Variants in GPHN observed in about 807,000 individuals in gnomAD.
GPHN encodes gephyrin.
In GPHN, 17 loss-of-function variants were observed where a neutral mutation model predicts 95.5. That is an observed-to-expected ratio of 0.18 (90% CI 0.12 to 0.27). The LOEUF (loss-of-function observed/expected upper bound fraction) is 0.27. Among genes scored for constraint, GPHN ranks in the 10% least tolerant of loss-of-function variants. The pLI is 1.00. For synonymous variants in GPHN, 320 were observed against 322.5 expected, an observed-to-expected ratio of 0.99 and a Z score of 0.08; for missense variants, 660 against 978.1, an observed-to-expected ratio of 0.67 and a Z score of 4.34.
chr14:67,190,068 ATTTTTTT>A, the GPHN span, among the ~76,000 whole-genome samples: 4 of 115,448 alleles, frequency 3.5e-5, no homozygotes, highest in African/African-American at 1.0e-4. Flanking sequence ...TGCCCAGCTA[ATTTTTTT>A]TTTTTTTTTT....
intron 18 of GPHN, among the ~76,000 whole-genome samples, chr14:67,144,260 T>A (rs1309031963): frequency 1.6e-4 from 13 of 83,080 alleles, no homozygotes; most frequent in African/African-American, 3.1e-4. Context: ...AATATATATA[T>A]ATATATATAT....
At chr14:67,222,373 T>G in the GPHN span, among the ~76,000 whole-genome samples, 3 of 152,174 alleles carry the variant, frequency 2.0e-5, no homozygotes, top group African/African-American at 7.2e-5. Context: ...CACTGCAACC[T>G]CTCTGCCTTT....
the GPHN span, chr14:67,690,696 C>G: frequency 2.3e-6 from 1 of 440,456 alleles, no homozygotes; most frequent in Non-Finnish European, 4.1e-6. Context: ...TTCTTAAGAG[C>G]TGGTTGGCTG....
the GPHN span, chr14:67,380,514 C>T: frequency 2.4e-6 from 1 of 418,850 alleles, no homozygotes; most frequent in Non-Finnish European, 4.3e-6. Context: ...GATTTGAATT[C>T]TAATTGTGAC....
At chr14:67,023,267 A>T (rs2073752060) in intron 9 of GPHN, among the ~76,000 whole-genome samples, 1 of 152,100 alleles carries the variant, frequency 6.6e-6, no homozygotes, top group Non-Finnish European at 1.5e-5. Flanking sequence ...TTTTATTATT[A>T]TTCTAGTCAA....
the GPHN span, among the ~76,000 whole-genome samples, chr14:67,475,839 C>G: frequency 1.3e-5 from 2 of 152,238 alleles, no homozygotes; most frequent in Admixed American, 1.3e-4. Flanking sequence ...ACTTACCTGG[C>G]CCATTATCAG....
intron 8 of GPHN, among the ~76,000 whole-genome samples, chr14:66,939,202 A>T (rs2067277310): frequency 6.6e-6 from 1 of 152,184 alleles, no homozygotes. Context: ...GGAATTTTAA[A>T]TCTTTGCACA....
At chr14:67,125,793 T>C (rs1370489846) in intron 17 of GPHN, among the ~76,000 whole-genome samples, 1 of 150,172 alleles carries the variant, frequency 6.7e-6, no homozygotes, top group East Asian at 1.9e-4. Flanking sequence ...AAAAAAAAAG[T>C]CAGTAAGCAC....
At chr14:67,362,612 T>G in the GPHN span, among the ~76,000 whole-genome samples, 1 of 151,982 alleles carries the variant, frequency 6.6e-6, no homozygotes, top group African/African-American at 2.4e-5. Context: ...AAGGCTAGAG[T>G]TGTTCCCCGA....
chr14:67,562,171 G>GC, the GPHN span: 9 of 1,610,938 alleles, frequency 5.6e-6, no homozygotes, highest in Non-Finnish European at 7.6e-6. Flanking sequence ...AGCTGCTGGT[G>GC]CCCCCCTACG....
intron 11 of GPHN, among the ~76,000 whole-genome samples, chr14:67,083,405 A>G (rs1418004668): frequency 1.3e-5 from 2 of 151,962 alleles, no homozygotes; most frequent in Non-Finnish European, 2.9e-5. Context: ...TTCTCTGGCC[A>G]TGTGAGGTGC....
chr14:67,594,335 T>A, the GPHN span, among the ~76,000 whole-genome samples: 2 of 151,944 alleles, frequency 1.3e-5, no homozygotes, highest in Non-Finnish European at 2.9e-5. Flanking sequence ...GGTACCAGCA[T>A]AAGACACTGT....
At chr14:67,393,086 G>A in the GPHN span, 2 of 1,261,132 alleles carry the variant, frequency 1.6e-6, no homozygotes, top group Non-Finnish European at 2.3e-6. Flanking sequence ...CAAGCACACA[G>A]CTGAGCCCTG....
In GPHN at chr14:67,089,125, CTT is replaced by C. The variant is rs1264164364; in HGVS notation, c.1237+56_1237+57del. On this transcript the variant is annotated intron_variant, in intron 12 of 22. Coordinates refer to ENST00000478722, the MANE Select transcript of GPHN (RefSeq NM_020806.5). Reference sequence around the variant, plus strand: ...ATAATCAGGCACTGTATTTTTTTTTCTTTTTTTCTTTTTTTTTTTTTTTTTTT... The same window carrying C: ...ATAATCAGGCACTGTATTTTTTTTTCTTTTTCTTTTTTTTTTTTTTTTTTT... 2,381 of 329,614 alleles carry C rather than the reference CTT, an allele frequency of 7.2e-3. 81 individuals are homozygous for C. The highest frequency in any genetic ancestry group is 0.05 in the African/African-American group (1,799 of 36,320). 20.4% of individuals were successfully genotyped at this position (329,614 alleles called of 1,614,324 possible).
At chr14:66,738,374 A>T (rs1378007525) in intron 2 of GPHN, among the ~76,000 whole-genome samples, 2 of 152,218 alleles carry the variant, frequency 1.3e-5, no homozygotes, top group African/African-American at 4.8e-5. Flanking sequence ...TTACTTTATT[A>T]TAAAGGGTAT....
the GPHN span, chr14:67,303,513 C>A: frequency 8.7e-6 from 14 of 1,603,560 alleles, no homozygotes; most frequent in Non-Finnish European, 1.1e-5. Context: ...CCTGATCTTT[C>A]TATTACAGTC....
At chr14:67,056,836 G>A (rs372897902) in intron 10 of GPHN, among the ~76,000 whole-genome samples, 10 of 152,300 alleles carry the variant, frequency 6.6e-5, no homozygotes, top group South Asian at 4.1e-4. Context: ...CAGGCATGGC[G>A]GGCTGCAGGT....
intron 9 of GPHN, among the ~76,000 whole-genome samples, chr14:67,012,637 A>G (rs1226967144): frequency 6.6e-6 from 1 of 152,190 alleles, no homozygotes; most frequent in Non-Finnish European, 1.5e-5. Context: ...TCATTACCAG[A>G]AAAACATGTA....
intron 18 of GPHN, among the ~76,000 whole-genome samples, chr14:67,155,744 T>C (rs1264181991): frequency 1.3e-5 from 2 of 151,774 alleles, no homozygotes; most frequent in African/African-American, 4.8e-5. Flanking sequence ...TTTTCCAAAA[T>C]CAATAAAAGA....
Sources: gnomAD v4.1 joint callset for allele counts (sites outside exome capture counted in the v4.1 genomes callset) on GRCh38, gnomAD v4.1.1 for gene constraint, MANE v1.5 for transcripts, NCBI Gene and HGNC (gene_info 2026-07-23, HGNC 2026-07-21) for gene names.